The following CTNNB1 variants were observed in gnomAD, a reference collection of about 807,000 sequenced individuals.
The protein encoded by CTNNB1 is catenin beta-1.
In CTNNB1, 6 loss-of-function variants were observed where a neutral mutation model predicts 82.5. The ratio of observed to expected loss-of-function variants is 0.07; its 90% CI spans 0.04 to 0.14. The LOEUF is 0.14. Among genes scored for constraint, CTNNB1 ranks in the 10% least tolerant of loss-of-function variants. The pLI is 1.00. For synonymous variants in CTNNB1, 312 were observed against 329.7 expected, an observed-to-expected ratio of 0.95 and a Z score of 0.58; for missense variants, 529 against 980.4, an observed-to-expected ratio of 0.54 and a Z score of 6.15.
chr3:41,231,236 A>AGAATGGTGT (rs1337571850), intron 7 of CTNNB1, among the ~76,000 whole-genome samples: 1 of 151,902 alleles, frequency 6.6e-6, no homozygotes, highest in Non-Finnish European at 1.5e-5. Flanking sequence ...CTGAGGCAGG[A>AGAATGGTGT]GAATGGTGTG....
chr3:41,207,472 C>G (rs184562592), intron 1 of CTNNB1, among the ~76,000 whole-genome samples: 1 of 152,262 alleles, frequency 6.6e-6, no homozygotes, highest in Admixed American at 6.5e-5. Flanking sequence ...CCTCTCCTCT[C>G]CCCCATCAGG....
At chr3:41,228,372 C>T (rs1192179707) in intron 7 of CTNNB1, among the ~76,000 whole-genome samples, 1 of 152,182 alleles carries the variant, frequency 6.6e-6, no homozygotes, top group Non-Finnish European at 1.5e-5. Context: ...AGCAACCTCA[C>T]CAGCATCTGT....
chr3:41,206,036 CTGAA>C (rs2077640783), intron 1 of CTNNB1, among the ~76,000 whole-genome samples: 1 of 152,158 alleles, frequency 6.6e-6, no homozygotes, highest in African/African-American at 2.4e-5. Flanking sequence ...GTGTGAACAT[CTGAA>C]TGATGCTGGG....
At chr3:41,224,825 A>T in intron 3 of CTNNB1, 72 bp downstream of exon 3, 2 of 1,592,040 alleles carry the variant, frequency 1.3e-6, no homozygotes, top group South Asian at 1.1e-5. Flanking sequence ...GTTAGTGTAT[A>T]ATAGTTTAAA....
chr3:41,214,972 T>A (rs2077880828), intron 1 of CTNNB1, among the ~76,000 whole-genome samples: 1 of 152,128 alleles, frequency 6.6e-6, no homozygotes, highest in South Asian at 2.1e-4. Flanking sequence ...CCACAAAACC[T>A]AAAATATTTA....
At chr3:41,211,991 A>G (rs147450774) in intron 1 of CTNNB1, among the ~76,000 whole-genome samples, 169 of 152,330 alleles carry the variant, frequency 1.1e-3, no homozygotes, top group Admixed American at 6.8e-3. Context: ...TAAAAGCTCA[A>G]GCTCCTGTAT....
chr3:41,208,431 G>A (rs776743004), intron 1 of CTNNB1, among the ~76,000 whole-genome samples: 1 of 151,984 alleles, frequency 6.6e-6, no homozygotes, highest in African/African-American at 2.4e-5. Context: ...AGAATATTTT[G>A]TCTTTTATCT....
intron 7 of CTNNB1, among the ~76,000 whole-genome samples, chr3:41,229,590 C>G (rs921001189): frequency 6.6e-6 from 1 of 152,036 alleles, no homozygotes; most frequent in Non-Finnish European, 1.5e-5. Flanking sequence ...TTTATTGGAT[C>G]AAGGAGCTTT....
Position 41,225,139 on chromosome 3 carries a change from C to G in CTNNB1, c.427C>G (p.Gln143Glu), listed in dbSNP as rs2125620832. The G allele has an allele frequency of 6.2e-7, 1 of 1,614,030 alleles. No homozygotes were observed. The highest frequency in any genetic ancestry group is 8.5e-7 in the Non-Finnish European group (1 of 1,180,002). The change falls in exon 4 of 15, where the codon CAA becomes GAA. Residue 143 changes from glutamine to glutamate, a missense_variant. Coordinates refer to ENST00000349496, the MANE Select transcript of CTNNB1 (RefSeq NM_001904.4). The surrounding 1 kb of genome is among the most constrained non-coding windows in gnomAD (Gnocchi z 5.3). ...TGCAGTTGTAAACTTGATTAACTAT[C>G]AAGATGATGCAGAACTTGCCACACG... ...KHAVVNLINY[Q>E]DDAELATRAI...
At chr3:41,213,186 C>T (rs2077834643) in intron 1 of CTNNB1, among the ~76,000 whole-genome samples, 1 of 152,222 alleles carries the variant, frequency 6.6e-6, no homozygotes, top group South Asian at 2.1e-4. Flanking sequence ...AATCAAACTA[C>T]TCTGATCTCA....
rs1800663 is a variant in CTNNB1 at position 41,236,616 on chromosome 3, A to C, written c.1983A>C (p.Arg661=). The C allele has an allele frequency of 6.6e-4, 1,071 of 1,614,186 alleles. 10 individuals carry two copies. In the African/African-American group the frequency reaches 0.013, roughly 19 times the overall value. The change falls in exon 13 of 15, where the codon CGA becomes CGC. Residue 661 remains arginine (R), a synonymous_variant. Coordinates refer to ENST00000349496, the MANE Select transcript of CTNNB1 (RefSeq NM_001904.4). ...VATYAAAVLF[R]MSEDKPQDYK... is the part of the protein sequence containing the mutation. The stretch of plus-strand genomic sequence containing the variant: ...CATATGCAGCTGCTGTTTTGTTCCG[A>C]ATGTCTGAGGACAAGCCACAAGATT...
At chr3:41,237,682 G>A (rs1255760217) in intron 13 of CTNNB1, 3 of 228,544 alleles carry the variant, frequency 1.3e-5, no homozygotes, top group Non-Finnish European at 1.7e-5. Flanking sequence ...TCCTGTTTGT[G>A]GGTAGGCATT....
intron 13 of CTNNB1, chr3:41,237,724 G>C: frequency 5.7e-6 from 1 of 175,382 alleles, no homozygotes; most frequent in Non-Finnish European, 1.1e-5. Context: ...TTTTTAAACT[G>C]CTATATCTCT....
chr3:41,231,860 T>C (rs909949864), intron 7 of CTNNB1, among the ~76,000 whole-genome samples: 3 of 152,130 alleles, frequency 2.0e-5, no homozygotes, highest in Non-Finnish European at 4.4e-5. Flanking sequence ...TGTAATAATA[T>C]AGGAGCTAAG....
Position 41,234,185 on chromosome 3 carries a change from A to G in CTNNB1, c.1571A>G (p.His524Arg), listed in dbSNP as rs1376864427. 2.5e-6 allele frequency: 4 copies of G among 1,614,198 alleles called. No individual in the cohort carries two copies. In the Admixed American group the frequency reaches 5.0e-5, roughly 20 times the overall value. Reference sequence around the variant, plus strand: ...AATCTTGCCCTTTGTCCCGCAAATCATGCACCTTTGCGTGAGCAGGGTGCC... The same window carrying G: ...AATCTTGCCCTTTGTCCCGCAAATCGTGCACCTTTGCGTGAGCAGGGTGCC... ...IRNLALCPANHAPLREQGAIP... is the reference protein window; with the variant it reads ...IRNLALCPANRAPLREQGAIP... The change falls in exon 10 of 15, where the codon CAT becomes CGT. Residue 524 changes from histidine (H) to arginine (R), a missense_variant. Coordinates refer to ENST00000349496, the MANE Select transcript of CTNNB1 (RefSeq NM_001904.4).
At chr3:41,237,824 G>A in intron 13 of CTNNB1, 192 bp from the exon 14 acceptor site, 1 of 584,910 alleles carries the variant, frequency 1.7e-6, no homozygotes, top group Non-Finnish European at 3.1e-6. Context: ...TTAATGTGAG[G>A]TGCAAAGAGA....
chr3:41,238,087 CAT>C lies in CTNNB1; in HGVS notation c.2137+14_2137+15del. The C allele has an allele frequency of 6.2e-7, 1 of 1,611,256 alleles. No individual in the cohort carries two copies. The highest frequency in any genetic ancestry group is 2.2e-5 in the East Asian group (1 of 44,862). On this transcript the variant is annotated intron_variant, in intron 14 of 14. Coordinates refer to ENST00000349496, the MANE Select transcript of CTNNB1 (RefSeq NM_001904.4). Reference sequence around the variant, plus strand: ...GATATCGCCAGGATGGTATGTGTCTCATATTTCTCGATTAACTCCAGATCAAG... The same window carrying C: ...GATATCGCCAGGATGGTATGTGTCTCATTTCTCGATTAACTCCAGATCAAG...
At chr3:41,223,939 C>T in intron 1 of CTNNB1, 82 bp from the exon 2 acceptor site, 2 of 1,016,218 alleles carry the variant, frequency 2.0e-6, no homozygotes, top group South Asian at 1.3e-5. Context: ...GTAATAGTGA[C>T]ATTTAACAGG....
chr3:41,231,068 C>A (rs1408915689), intron 7 of CTNNB1, among the ~76,000 whole-genome samples: 1 of 152,180 alleles, frequency 6.6e-6, no homozygotes, highest in South Asian at 2.1e-4. Context: ...TGGCTCACGC[C>A]TGTAATTCCA....
Sources: gnomAD v4.1 joint callset for allele counts (sites outside exome capture counted in the v4.1 genomes callset) on GRCh38, gnomAD v4.1.1 for gene constraint, Gnocchi (gnomAD v3.1) non-coding constraint, MANE v1.5 for transcripts, NCBI Gene and HGNC (gene_info 2026-07-23, HGNC 2026-07-21) for gene names.